Variants in NEB observed in about 807,000 individuals in gnomAD.
NEB encodes the protein nebulin, also known as nemaline myopathy type 2.
A neutral mutation model predicts 952.2 loss-of-function variants in NEB; 512 were observed. The observed-to-expected ratio is 0.54, with a 90% CI of 0.50 to 0.58. The LOEUF (loss-of-function observed/expected upper bound fraction) is 0.58. Ranked by LOEUF, NEB falls within the 20% of genes least tolerant of loss-of-function variation. NEB has a pLI of 0.00. For missense variants in NEB, 8,428 were observed against 9,231.1 expected (o/e 0.91, Z 3.56); for synonymous variants, 2,900 against 3,149.8 (o/e 0.92, Z 2.66).
At chr2:151,562,384 A>G (rs2096123195) in intron 120 of NEB, among the ~76,000 whole-genome samples, 170 bp from the exon 121 acceptor site, 1 of 152,210 alleles carries the variant, frequency 6.6e-6, no homozygotes, top group South Asian at 2.1e-4. Flanking sequence ...CTTGAGAGCA[A>G]TATCAATGTC....
chr2:151,567,896 C>T (rs538486333), intron 113 of NEB, among the ~76,000 whole-genome samples, 175 bp downstream of exon 113: 2 of 152,146 alleles, frequency 1.3e-5, no homozygotes, highest in African/African-American at 4.8e-5. Context: ...AAGCTCAAAG[C>T]CCATGGAAGA....
intron 181 of NEB, among the ~76,000 whole-genome samples, chr2:151,487,022 TACTA>T (rs2051126250): frequency 6.6e-6 from 1 of 152,126 alleles, no homozygotes; most frequent in African/African-American, 2.4e-5. Context: ...ATGAACTTCA[TACTA>T]AGTTATGTAT....
At position 151,610,574 on chromosome 2, in the gene NEB, A is replaced by G. The variant is rs936978214; in HGVS notation, c.11960T>C (p.Leu3987Pro). The change falls in exon 80 of 182, where the codon CTG becomes CCG. Residue 3987 changes from leucine (L) to proline (P), a missense_variant. Physicochemically the swap from Leu to Pro is moderately conservative, Grantham distance 98. Transcript: ENST00000397345. ...TTTGATGGAAATAGCATCTGCTCTC[A>G]GATCATAGTCCTTCATCTTTGATTC... Reference protein sequence around the residue: ...WDESKMKDYDLRADAISIKSA... With the variant: ...WDESKMKDYDPRADAISIKSA... 1 of 1,613,900 alleles carries G rather than the reference A, an allele frequency of 6.2e-7. No homozygotes were observed. The highest frequency in any genetic ancestry group is 1.3e-5 in the African/African-American group (1 of 75,064).
Position 151,672,479 on chromosome 2 carries a change from G to T in NEB, c.4189C>A (p.Gln1397Lys). ...TAGTTGACATTGGTAGCGACATCCT[G>T]GGCCATCTTTGCAGCTGTGATGCTA... ...MVSITAAKMA[Q>K]DVATNVNYKQ... The change falls in exon 37 of 182, where the codon CAG becomes AAG. Residue 1397 changes from glutamine to lysine, a missense_variant. By Grantham distance (53) the Gln-to-Lys change is moderately conservative (BLOSUM62 1). Around this residue, in one of 11 missense-constraint regions of NEB, gnomAD observed 2,851 missense variants for 2,791.5 expected, o/e 1.02. Coordinates refer to ENST00000397345, the MANE Select transcript of NEB (RefSeq NM_001164508.2). 1 of 1,613,946 alleles carries T rather than the reference G, an allele frequency of 6.2e-7. No individual in the cohort carries two copies. The highest frequency in any genetic ancestry group is 8.5e-7 in the Non-Finnish European group (1 of 1,179,864).
chr2:151,659,486 A>G (rs188224691), intron 46 of NEB, among the ~76,000 whole-genome samples: 1 of 152,132 alleles, frequency 6.6e-6, no homozygotes, highest in East Asian at 1.9e-4. Flanking sequence ...TTTTTTGTAG[A>G]GATGGGTTTT....
chr2:151,503,214 G>A, intron 166 of NEB, 135 bp downstream of exon 166: 1 of 648,502 alleles, frequency 1.5e-6, no homozygotes. Context: ...ACATAATTTT[G>A]GTCAGGTAAT....
At chr2:151,669,211 G>T in intron 38 of NEB, 80 bp from the exon 39 acceptor site, 1 of 988,952 alleles carries the variant, frequency 1.0e-6, no homozygotes, top group Non-Finnish European at 1.5e-6. Flanking sequence ...CCTTTAAAAC[G>T]GAAGGCTATC....
intron 134 of NEB, 110 bp downstream of exon 134, chr2:151,546,235 C>T (rs2153606690): frequency 1.2e-6 from 1 of 865,904 alleles, no homozygotes; most frequent in Non-Finnish European, 1.8e-6. Flanking sequence ...ATAAATTTCC[C>T]CTTAAAAGTA....
In NEB at chr2:151,680,803, G is replaced by T; in HGVS notation, c.2969C>A (p.Thr990Asn). The change falls in exon 30 of 182, where the codon ACC becomes AAC. Residue 990 changes from threonine (T) to asparagine (N), a missense_variant. By Grantham distance (65) the Thr-to-Asn change is moderately conservative. This residue lies in a region of NEB where 2,851 missense variants were observed against 2,791.5 expected (regional missense o/e 1.02). Transcript: ENST00000397345. Reference sequence around the variant, plus strand: ...ATCTTCAATCGAGGTAAACTTGAGGGTGTCTGGATGTTGGCGATATTTTTT... The same window carrying T: ...ATCTTCAATCGAGGTAAACTTGAGGTTGTCTGGATGTTGGCGATATTTTTT... ...NEKKYRQHPDTLKFTSIEDAP... is the reference protein window; with the variant it reads ...NEKKYRQHPDNLKFTSIEDAP... The T allele has an allele frequency of 1.2e-6, 2 of 1,613,144 alleles. No individual in the cohort carries two copies. The highest frequency in any genetic ancestry group is 1.7e-5 in the Admixed American group (1 of 60,014).
intron 107 of NEB, among the ~76,000 whole-genome samples, chr2:151,574,040 C>T (rs1003315515): frequency 3.3e-5 from 5 of 152,122 alleles, no homozygotes; most frequent in Non-Finnish European, 5.9e-5. Context: ...GTGGCGTGAT[C>T]TCGGCTTACT....
rs1577665038 is a variant in NEB, at chr2:151,562,761, G to T, written c.18741C>A (p.Ile6247=). 1.9e-6 allele frequency: 3 copies of T among 1,595,238 alleles called. No individual in the cohort carries two copies. The highest frequency in any genetic ancestry group is 1.3e-5 in the African/African-American group (1 of 74,794). ...GCACGTGATTCATCATGTCATTGGGGATATGAACATTTGCTTTGGTATCCT... is the reference window on the plus strand; with the variant it reads ...GCACGTGATTCATCATGTCATTGGGTATATGAACATTTGCTTTGGTATCCT... ...HYEDTKANVH[I]PNDMMNHVLA... is the part of the protein sequence containing the mutation. Residue 6247 remains isoleucine, a synonymous_variant, in exon 120 of 182, where the codon ATC becomes ATA. Coordinates refer to ENST00000397345, the MANE Select transcript of NEB (RefSeq NM_001164508.2).
chr2:151,513,243 C>G (rs2075748567), intron 160 of NEB, among the ~76,000 whole-genome samples: 1 of 152,170 alleles, frequency 6.6e-6, no homozygotes, highest in Non-Finnish European at 1.5e-5. Context: ...CCAAGATATT[C>G]TAAGCAAGGA....
intron 147 of NEB, 129 bp from the exon 148 acceptor site, chr2:151,527,151 G>T: frequency 1.5e-6 from 1 of 661,798 alleles, no homozygotes; most frequent in Non-Finnish European, 2.6e-6. Context: ...GAGGAGAAGA[G>T]CTTCTTGGTC....
At chr2:151,625,708 AC>A in intron 70 of NEB, 70 bp from the exon 71 acceptor site, 2 of 1,054,534 alleles carry the variant, frequency 1.9e-6, no homozygotes, top group Non-Finnish European at 2.7e-6. Flanking sequence ...CAATTAAGAC[AC>A]CATGACAAAG....
intron 5 of NEB, among the ~76,000 whole-genome samples, 169 bp from the exon 6 acceptor site, chr2:151,725,729 A>T (rs546226673): frequency 2.6e-5 from 4 of 152,290 alleles, no homozygotes; most frequent in African/African-American, 7.2e-5. Flanking sequence ...AATAGATTTG[A>T]TAATTGCTTC....
chr2:151,681,358 G>A (rs559942697), intron 29 of NEB, among the ~76,000 whole-genome samples: 4 of 152,180 alleles, frequency 2.6e-5, no homozygotes, highest in Non-Finnish European at 2.9e-5. Context: ...TGGTTAGTAC[G>A]TAAGTTATCA....
At chr2:151,638,514 C>A (rs553439048) in intron 63 of NEB, among the ~76,000 whole-genome samples, 2 of 152,312 alleles carry the variant, frequency 1.3e-5, no homozygotes, top group East Asian at 1.9e-4. Flanking sequence ...CTTCAGAGGA[C>A]TATGTGAGTT....
rs752028559 is a variant in NEB at position 151,524,616 on chromosome 2, C to T, written c.22273G>A (p.Val7425Ile). The change falls in exon 152 of 182, where the codon GTC becomes ATC. Residue 7425 changes from valine (V) to isoleucine (I), a missense_variant and splice_region_variant. Val to Ile is a conservative substitution (Grantham distance 29). This residue lies in a region of NEB where 3,374 missense variants were observed against 3,651.5 expected (regional missense o/e 0.92). Coordinates refer to ENST00000397345, the MANE Select transcript of NEB (RefSeq NM_001164508.2). The stretch of plus-strand genomic sequence containing the variant: ...TCTTTGGCATCTTTTCTGTAAGCGA[C>T]CTTTATTGGGGAAGAAAATGTTTAC... ...AMEVAKKQSD[V>I]AYRKDAKENL... 1.4e-6 allele frequency: 2 copies of T among 1,466,644 alleles called. No individual in the cohort carries two copies. Among genetic ancestry groups the T allele is most frequent in the East Asian group, 5.0e-5 (2 of 39,902 alleles). The allele number at this position is 1,466,644 out of a possible 1,614,324, so 90.9% of individuals were successfully genotyped here. A position where few individuals can be genotyped will look rare whatever the true frequency, so the allele number is the denominator to read the frequency against.
intron 160 of NEB, among the ~76,000 whole-genome samples, 185 bp from the exon 161 acceptor site, chr2:151,513,022 G>A (rs1213192417): frequency 6.6e-6 from 1 of 152,198 alleles, no homozygotes; most frequent in Non-Finnish European, 1.5e-5. Context: ...AGTAAGAAAG[G>A]TCAAGTCCTA....
Sources: gnomAD v4.1 joint callset for allele counts (sites outside exome capture counted in the v4.1 genomes callset) on GRCh38, gnomAD v4.1.1 for gene constraint, gnomAD v4.1.1 regional missense constraint, MANE v1.5 for transcripts, NCBI Gene and HGNC (gene_info 2026-07-23, HGNC 2026-07-21) for gene names.